PYY: variants seen among roughly 807,000 people sequenced by gnomAD.
PYY encodes peptide tyrosine tyrosine.
PYY carries 12 observed loss-of-function variants against 10.3 expected under a neutral mutation model. The ratio of observed to expected loss-of-function variants is 1.17; its 90% CI spans 0.75 to 1.89. PYY has a LOEUF of 1.89. Among genes scored for constraint, PYY ranks in the 40% most tolerant of loss-of-function variants. PYY has a pLI of 0.00. For synonymous variants in PYY, 66 were observed against 62.0 expected, an observed-to-expected ratio of 1.06 and a Z score of -0.30; for missense variants, 141 against 134.0, an observed-to-expected ratio of 1.05 and a Z score of -0.26.
intron 1 of PYY, among the ~76,000 whole-genome samples, chr17:44,000,163 G>A (rs1022630140): frequency 6.6e-6 from 1 of 152,132 alleles, no homozygotes; most frequent in Admixed American, 6.5e-5. Flanking sequence ...AACTACACAT[G>A]CACACCATTA....
intron 1 of PYY, among the ~76,000 whole-genome samples, chr17:43,991,555 T>C (rs1033195497): frequency 9.9e-5 from 15 of 152,244 alleles, no homozygotes; most frequent in Non-Finnish European, 2.2e-4. Flanking sequence ...ATGCTTTTTT[T>C]CTTCCTTTTG....
Position 43,984,172 on chromosome 17 carries a change from C to T in PYY, c.-462-17640G>A, listed in dbSNP as rs557444076. Among the ~76,000 whole-genome samples the T allele has an allele frequency of 2.3e-3, 347 of 152,332 alleles. 1 individual carries two copies. Among genetic ancestry groups the T allele is most frequent in the African/African-American group, 7.8e-3 (324 of 41,590 alleles). On this transcript the variant is annotated intron_variant, in intron 1 of 6. Transcript: ENST00000360085. ...GTCGCTGTTAGGGGGGGCGCCAGCC[C>T]CGGGGATGCGGGGAGCCTTCGCAGC...
chr17:43,957,250 C>T (rs2048679189), upstream of PYY, among the ~76,000 whole-genome samples: 2 of 151,672 alleles, frequency 1.3e-5, no homozygotes, highest in Admixed American at 6.6e-5. Flanking sequence ...GCACTTAAGT[C>T]CCTGCTGTGT....
chr17:43,962,079 A>G (rs963439442), intron 2 of PYY, among the ~76,000 whole-genome samples: 4 of 152,138 alleles, frequency 2.6e-5, no homozygotes, highest in Admixed American at 1.3e-4. Context: ...TTCTCTTACA[A>G]TAGAGTTTAG....
chr17:43,954,687 C>T (rs1261664163), upstream of PYY, among the ~76,000 whole-genome samples: 1 of 152,170 alleles, frequency 6.6e-6, no homozygotes, highest in East Asian at 1.9e-4. Flanking sequence ...AGCCCCCTCC[C>T]AAGGCAGAGT....
chr17:43,989,310 C>T (rs8073650), intron 1 of PYY, among the ~76,000 whole-genome samples: 141,393 of 151,062 alleles, frequency 0.94, 66,218 homozygotes, highest in East Asian at 1. Context: ...GGAGGCAGAG[C>T]TTGCAGTGAG....
intron 1 of PYY, among the ~76,000 whole-genome samples, chr17:43,997,022 T>C (rs2048996562): frequency 6.6e-6 from 1 of 151,008 alleles, no homozygotes. Flanking sequence ...TGGGGTGATG[T>C]TGTTGTTGTT....
chr17:43,997,498 T>C (rs988780828), intron 1 of PYY, among the ~76,000 whole-genome samples: 12 of 152,110 alleles, frequency 7.9e-5, no homozygotes, highest in African/African-American at 2.9e-4. Flanking sequence ...GAGGTCCTCA[T>C]GGCTGGTGAG....
intron 1 of PYY, among the ~76,000 whole-genome samples, chr17:43,978,226 A>G (rs1280688879): frequency 6.6e-6 from 1 of 151,044 alleles, no homozygotes; most frequent in Non-Finnish European, 1.5e-5. Context: ...AAAGAGAGAG[A>G]AAGAAAGAAG....
chr17:43,986,696 A>T (rs1039963381), intron 1 of PYY, among the ~76,000 whole-genome samples: 1 of 152,148 alleles, frequency 6.6e-6, no homozygotes, highest in African/African-American at 2.4e-5. Flanking sequence ...GGGGTTCATT[A>T]TACCCTTCCC....
intron 2 of PYY, among the ~76,000 whole-genome samples, chr17:43,963,570 AAAAGAAAG>A (rs1162426873): frequency 0.017 from 1,797 of 104,634 alleles, 21 homozygotes; most frequent in Non-Finnish European, 0.021. Flanking sequence ...GGAAGGAAGG[AAAAGAAAG>A]AAAGAAAGAA....
intron 1 of PYY, among the ~76,000 whole-genome samples, chr17:43,976,140 T>C (rs117925841): frequency 0.11 from 11,576 of 102,526 alleles, 2,462 homozygotes; most frequent in African/African-American, 0.42. Flanking sequence ...TATACATATA[T>C]GTATATATAC....
At chr17:43,999,332 G>T (rs2049010692) in intron 1 of PYY, among the ~76,000 whole-genome samples, 1 of 152,124 alleles carries the variant, frequency 6.6e-6, no homozygotes. Flanking sequence ...AGGACCTGGA[G>T]GCAGCAATTT....
In PYY at chr17:43,952,915, T is replaced by C; in HGVS notation, c.*41A>G. 1.3e-6 allele frequency: 2 copies of C among 1,526,598 alleles called. No homozygotes were observed. Among genetic ancestry groups the C allele is most frequent in the Non-Finnish European group, 1.8e-6 (2 of 1,140,320 alleles). The allele number at this position is 1,526,598 out of a possible 1,614,324, so 94.6% of individuals were successfully genotyped here. A position where few individuals can be genotyped will look rare whatever the true frequency, so the allele number is the denominator to read the frequency against. ...GTCGGGAGTGCGTATGCAAATGACGTGGGCGTGGTTGGCAGATCTCCCAGG... is the reference window on the plus strand; with the variant it reads ...GTCGGGAGTGCGTATGCAAATGACGCGGGCGTGGTTGGCAGATCTCCCAGG... On this transcript the variant is annotated 3_prime_UTR_variant, in exon 4 of 4. Transcript: ENST00000692052.
At chr17:43,967,352 C>T (rs1375606696) in intron 1 of PYY, among the ~76,000 whole-genome samples, 1 of 152,046 alleles carries the variant, frequency 6.6e-6, no homozygotes, top group Non-Finnish European at 1.5e-5. Flanking sequence ...ATGCACTCTC[C>T]CTTCACACAC....
chr17:43,953,556 C>T (rs2048650571), intron 1 of PYY, 73 bp from the exon 2 acceptor site: 2 of 1,377,036 alleles, frequency 1.5e-6, no homozygotes, highest in African/African-American at 1.5e-5. Flanking sequence ...CGGCTGCCGT[C>T]GGGGCCGCGC....
rs551047932 is a variant in PYY at position 43,992,536 on chromosome 17, C to T, written c.-463+11855G>A. Among the ~76,000 whole-genome samples the T allele has an allele frequency of 8.2e-4, 125 of 152,066 alleles. 2 individuals are homozygous for T. Among genetic ancestry groups the T allele is most frequent in the African/African-American group, 2.7e-3 (112 of 41,478 alleles). On this transcript the variant is annotated intron_variant, in intron 1 of 6. Transcript: ENST00000360085. ...GACCAGCCTCAGCATGGAGAAACCCCGTCACTACTAAAAATACAAAATTAG... is the reference window on the plus strand; with the variant it reads ...GACCAGCCTCAGCATGGAGAAACCCTGTCACTACTAAAAATACAAAATTAG...
In PYY at chr17:43,972,798, C is replaced by A. The variant is rs551091977; in HGVS notation, c.-462-6266G>T. 2.0e-5 allele frequency among the ~76,000 whole-genome samples: 3 copies of A among 152,096 alleles called. No homozygotes were observed. In the South Asian group the frequency reaches 6.2e-4, roughly 32 times the overall value. ...GTGGCGTGATCTCGGTTCACCGCAA[C>A]CTCCGCCTCCTGAGTTCAAGCGATT... On this transcript the variant is annotated intron_variant, in intron 1 of 6. Transcript: ENST00000360085.
chr17:43,983,836 C>T (rs2143942046), intron 1 of PYY, among the ~76,000 whole-genome samples: 1 of 152,360 alleles, frequency 6.6e-6, no homozygotes, highest in African/African-American at 2.4e-5. Context: ...CGCACCCCAC[C>T]GGCCTCCCCG....
Sources: gnomAD v4.1 joint callset for allele counts (sites outside exome capture counted in the v4.1 genomes callset) on GRCh38, gnomAD v4.1.1 for gene constraint, MANE v1.5 for transcripts, NCBI Gene and HGNC (gene_info 2026-07-23, HGNC 2026-07-21) for gene names.